DOK5: variants seen among roughly 807,000 people sequenced by gnomAD.
DOK5 encodes docking protein 5.
DOK5 carries 27 observed loss-of-function variants against 43.3 expected under a neutral mutation model. The observed-to-expected ratio is 0.62, with a 90% CI of 0.46 to 0.86. The LOEUF (loss-of-function observed/expected upper bound fraction) is 0.86. DOK5 is among the 40% of genes least tolerant of loss of function. DOK5 has a pLI of 0.00. For missense variants in DOK5, 373 were observed against 392.9 expected (o/e 0.95, Z 0.43); for synonymous variants, 146 against 140.1 (o/e 1.04, Z -0.30).
intron 6 of DOK5, among the ~76,000 whole-genome samples, chr20:54,622,198 A>T (rs928953083): frequency 1.3e-5 from 2 of 151,524 alleles, no homozygotes; most frequent in Admixed American, 1.3e-4. Context: ...TCTCAAAAAA[A>T]AAGAAAAAAT....
At chr20:54,608,148 T>G (rs1161407631) in intron 5 of DOK5, among the ~76,000 whole-genome samples, 4 of 152,134 alleles carry the variant, frequency 2.6e-5, no homozygotes, top group Non-Finnish European at 5.9e-5. Flanking sequence ...AACTAGATTG[T>G]CCAAGCTTGA....
In DOK5 at chr20:54,588,542, T is replaced by C; in HGVS notation, c.234T>C (p.His78=). The C allele has an allele frequency of 6.2e-7, 1 of 1,614,156 alleles. No individual in the cohort carries two copies. ...GATTGCCAAAAAGCACCAAGAAACA[T>C]GCCATAGGGATTTATTTCAATGACG... The part of the protein sequence containing the change: ...VARLPKSTKK[H]AIGIYFNDDT... The change falls in exon 3 of 8, where the codon CAT becomes CAC. Residue 78 remains histidine (H), a synonymous_variant. Transcript: ENST00000262593.
intron 5 of DOK5, among the ~76,000 whole-genome samples, chr20:54,595,587 GAACTC>G (rs1169128419): frequency 6.6e-6 from 1 of 152,178 alleles, no homozygotes; most frequent in Non-Finnish European, 1.5e-5. Context: ...TTTCATCCAA[GAACTC>G]CACTGGTTAG....
At chr20:54,511,097 T>C (rs563728643) in intron 1 of DOK5, among the ~76,000 whole-genome samples, 1 of 152,192 alleles carries the variant, frequency 6.6e-6, no homozygotes, top group Non-Finnish European at 1.5e-5. Context: ...ATGAGCTAGG[T>C]AGCATCACTT....
intron 1 of DOK5, among the ~76,000 whole-genome samples, chr20:54,493,363 C>T (rs1422863308): frequency 1.3e-5 from 2 of 152,114 alleles, no homozygotes; most frequent in African/African-American, 2.4e-5. Flanking sequence ...ACGCGCTTTC[C>T]TTTGTCACCA....
At chr20:54,599,407 A>G (rs555323655) in intron 5 of DOK5, among the ~76,000 whole-genome samples, 76 of 152,368 alleles carry the variant, frequency 5.0e-4, no homozygotes, top group African/African-American at 1.8e-3. Flanking sequence ...AGAGGCATGT[A>G]TGAAATCAGA....
intron 1 of DOK5, among the ~76,000 whole-genome samples, chr20:54,554,032 T>C (rs1329027459): frequency 6.6e-6 from 1 of 152,204 alleles, no homozygotes; most frequent in Admixed American, 6.5e-5. Context: ...ATTATTAATA[T>C]TTTAATGTGC....
intron 4 of DOK5, among the ~76,000 whole-genome samples, chr20:54,590,158 C>T (rs948546418): frequency 7.2e-5 from 11 of 152,128 alleles, no homozygotes; most frequent in Admixed American, 2.6e-4. Context: ...TAAAAATTGG[C>T]GGTGCGTAGG....
intron 1 of DOK5, among the ~76,000 whole-genome samples, chr20:54,500,843 G>A (rs955061643): frequency 2.0e-5 from 3 of 152,132 alleles, no homozygotes; most frequent in Non-Finnish European, 4.4e-5. Context: ...TTACAGGCGT[G>A]AGCCAACCGC....
intron 1 of DOK5, among the ~76,000 whole-genome samples, chr20:54,481,044 ATCATCTG>A (rs1430584649): frequency 0.029 from 3,666 of 128,190 alleles, 160 homozygotes; most frequent in African/African-American, 0.041. Flanking sequence ...TCATCTATCT[ATCATCTG>A]TCTATCATCT....
rs1356103048 is a variant in DOK5 at position 54,591,711 on chromosome 20, G to A, written c.505G>A (p.Val169Ile). The change falls in exon 5 of 8, where the codon GTC (valine) becomes ATC (isoleucine). Residue 169 changes from valine (V) to isoleucine (I), a missense_variant. Transcript: ENST00000262593. ...ITYEYICLWD[V>I]QNPRVKLISW... ...ATATGAGTATATCTGTCTTTGGGAC[G>A]TCCAGAATCCCAGAGTCAAACTCAT... 8 of 1,614,182 alleles carry A rather than the reference G, an allele frequency of 5.0e-6. No individual in the cohort carries two copies. Among genetic ancestry groups the A allele is most frequent in the South Asian group, 1.1e-5 (1 of 91,082 alleles).
At chr20:54,632,816 C>T (rs1978632324) in intron 6 of DOK5, among the ~76,000 whole-genome samples, 1 of 152,182 alleles carries the variant, frequency 6.6e-6, no homozygotes, top group African/African-American at 2.4e-5. Context: ...GTGGCTCACA[C>T]CTGGAATCCC....
At chr20:54,483,586 T>G (rs761092119) in intron 1 of DOK5, among the ~76,000 whole-genome samples, 5 of 152,188 alleles carry the variant, frequency 3.3e-5, no homozygotes, top group Non-Finnish European at 5.9e-5. Flanking sequence ...TCTATTTTTG[T>G]GAAATGAGGA....
chr20:54,508,581 T>C (rs1331161955), intron 1 of DOK5, among the ~76,000 whole-genome samples: 1 of 151,922 alleles, frequency 6.6e-6, no homozygotes, highest in East Asian at 1.9e-4. Flanking sequence ...TTTATATTTA[T>C]TTATTTATTT....
intron 1 of DOK5, among the ~76,000 whole-genome samples, chr20:54,493,766 C>T (rs548726712): frequency 3.3e-5 from 5 of 151,886 alleles, no homozygotes; most frequent in East Asian, 1.9e-4. Context: ...ACGAGACCCT[C>T]GTCTCTACAA....
At chr20:54,505,882 G>C (rs540810364) in intron 1 of DOK5, among the ~76,000 whole-genome samples, 1 of 152,312 alleles carries the variant, frequency 6.6e-6, no homozygotes, top group South Asian at 2.1e-4. Flanking sequence ...CCGCTGGGTG[G>C]TGGAGAGGAG....
chr20:54,594,260 C>T (rs1225524130), intron 5 of DOK5, among the ~76,000 whole-genome samples: 1 of 152,104 alleles, frequency 6.6e-6, no homozygotes, highest in Non-Finnish European at 1.5e-5. Flanking sequence ...GGCATAGTGG[C>T]ACACACCTGT....
chr20:54,558,422 A>G (rs1984785534), intron 2 of DOK5, among the ~76,000 whole-genome samples: 1 of 152,226 alleles, frequency 6.6e-6, no homozygotes, highest in Non-Finnish European at 1.5e-5. Flanking sequence ...TGGAAGAATT[A>G]TCTACATTTA....
intron 5 of DOK5, among the ~76,000 whole-genome samples, chr20:54,604,294 A>G (rs73144079): frequency 6.8e-6 from 1 of 147,966 alleles, no homozygotes; most frequent in African/African-American, 2.5e-5. Flanking sequence ...AAAAGTAAAC[A>G]TTCTGTGCTT....
Sources: allele counts gnomAD v4.1 joint callset (sites outside exome capture counted in the v4.1 genomes callset), GRCh38; gene constraint gnomAD v4.1.1; transcripts MANE v1.5; gene names NCBI Gene and HGNC (gene_info 2026-07-23, HGNC 2026-07-21).